TRPC7: variants seen among roughly 807,000 people sequenced by gnomAD.
TRPC7 encodes transient receptor potential cation channel subfamily C member 7, also known as short transient receptor potential channel 7.
A neutral mutation model predicts 90.1 loss-of-function variants in TRPC7; 42 were observed. The ratio of observed to expected loss-of-function variants is 0.47; its 90% CI spans 0.36 to 0.60. The LOEUF is 0.60. Ranked by LOEUF, TRPC7 falls within the 20% of genes least tolerant of loss-of-function variation. The pLI, the probability that TRPC7 is intolerant of heterozygous loss-of-function variation, is 0.00. For missense variants in TRPC7, 955 were observed against 1,112.3 expected, an observed-to-expected ratio of 0.86 and a Z score of 2.01; for synonymous variants, 451 against 436.3, an observed-to-expected ratio of 1.03 and a Z score of -0.42.
chr5:136,307,586 A>G (rs72795001), intron 3 of TRPC7, among the ~76,000 whole-genome samples: 2,701 of 152,334 alleles, frequency 0.018, 38 homozygotes, highest in Non-Finnish European at 0.028. Context: ...AACAGCCAAG[A>G]GGTTCTCAAC....
intron 2 of TRPC7, among the ~76,000 whole-genome samples, chr5:136,326,388 G>C (rs1332466879): frequency 2.0e-5 from 3 of 152,226 alleles, no homozygotes. Context: ...TCAGTATGTA[G>C]GTGAGGATGC....
intron 3 of TRPC7, among the ~76,000 whole-genome samples, chr5:136,295,278 T>G (rs1028481890): frequency 6.6e-6 from 1 of 152,078 alleles, no homozygotes; most frequent in African/African-American, 2.4e-5. Flanking sequence ...CCCTAAAACT[T>G]AAAGTATAAT....
intron 2 of TRPC7, among the ~76,000 whole-genome samples, chr5:136,323,027 C>A (rs1759243517): frequency 6.6e-6 from 1 of 152,178 alleles, no homozygotes. Flanking sequence ...CTCATCTTGA[C>A]TTGTAGCTCC....
intron 4 of TRPC7, among the ~76,000 whole-genome samples, chr5:136,273,105 G>A (rs17170006): frequency 0.023 from 3,573 of 152,232 alleles, 149 homozygotes; most frequent in African/African-American, 0.081. Context: ...GATTGGCAGC[G>A]CTTTCTCCAC....
At chr5:136,248,088 T>C (rs1756402414) in intron 6 of TRPC7, among the ~76,000 whole-genome samples, 1 of 152,204 alleles carries the variant, frequency 6.6e-6, no homozygotes. Flanking sequence ...ACACCCTCCA[T>C]GTCTTGGCAC....
rs76452898 is a variant in TRPC7 at position 136,309,652 on chromosome 5, T to G, written c.963+5945A>C. Among the ~76,000 whole-genome samples the G allele has an allele frequency of 3.8e-3, 579 of 152,158 alleles. 3 individuals are homozygous for G. The highest frequency in any genetic ancestry group is 7.0e-3 in the Non-Finnish European group (473 of 67,984). ...AGGTGAAAGCACACAATTGCTGGAG[T>G]GCAATTTCCCAAAGCCGAGTGACCC... On this transcript the variant is annotated intron_variant, in intron 3 of 11. Transcript: ENST00000513104.
At chr5:136,279,138 T>G (rs766746420) in intron 3 of TRPC7, among the ~76,000 whole-genome samples, 2 of 152,156 alleles carry the variant, frequency 1.3e-5, no homozygotes, top group Non-Finnish European at 2.9e-5. Context: ...TCTCTGTTCC[T>G]GTATGCCAAG....
chr5:136,253,030 G>A (rs1281252560), intron 5 of TRPC7, among the ~76,000 whole-genome samples: 3 of 152,210 alleles, frequency 2.0e-5, no homozygotes, highest in Non-Finnish European at 4.4e-5. Flanking sequence ...TCTAGTTTGA[G>A]ATGTGCTGTA....
intron 3 of TRPC7, among the ~76,000 whole-genome samples, chr5:136,285,239 T>C (rs1025383972): frequency 2.4e-4 from 36 of 152,148 alleles, no homozygotes; most frequent in Non-Finnish European, 3.7e-4. Context: ...AGACTTTTAG[T>C]TTAGAAATAT....
At chr5:136,216,017 G>C (rs1755254400) in intron 11 of TRPC7, among the ~76,000 whole-genome samples, 183 bp downstream of exon 11, 1 of 152,136 alleles carries the variant, frequency 6.6e-6, no homozygotes, top group African/African-American at 2.4e-5. Flanking sequence ...AGGCAACAGG[G>C]ACAGGCCTGC....
At chr5:136,309,891 C>T (rs1044750900) in intron 3 of TRPC7, among the ~76,000 whole-genome samples, 13 of 152,216 alleles carry the variant, frequency 8.5e-5, no homozygotes, top group Non-Finnish European at 1.5e-4. Context: ...CATCTTCACC[C>T]CTCCTGTTTC....
intron 3 of TRPC7, among the ~76,000 whole-genome samples, chr5:136,294,231 G>A (rs2149826608): frequency 6.6e-6 from 1 of 152,262 alleles, no homozygotes; most frequent in African/African-American, 2.4e-5. Flanking sequence ...ATAGGCATGG[G>A]CAAGGACTTC....
intron 2 of TRPC7, among the ~76,000 whole-genome samples, chr5:136,320,612 A>G (rs979564711): frequency 6.6e-6 from 1 of 151,708 alleles, no homozygotes; most frequent in Non-Finnish European, 1.5e-5. Flanking sequence ...CTGGAAGATG[A>G]CCCACTACCT....
chr5:136,289,705 C>T (rs1757865473), intron 3 of TRPC7, among the ~76,000 whole-genome samples: 1 of 152,216 alleles, frequency 6.6e-6, no homozygotes, highest in Non-Finnish European at 1.5e-5. Flanking sequence ...TCTGTAGGCT[C>T]CACCTCTAGG....
intron 2 of TRPC7, among the ~76,000 whole-genome samples, chr5:136,335,949 G>T (rs1355322501): frequency 7.5e-6 from 1 of 134,090 alleles, no homozygotes; most frequent in Non-Finnish European, 1.6e-5. Flanking sequence ...TAAAACTCAA[G>T]CATCTTTATT....
chr5:136,266,277 T>C lies in TRPC7; in HGVS notation c.1288A>G (p.Arg430Gly). Residue 430 changes from arginine to glycine, a missense_variant, in exon 5 of 12, where the codon AGA becomes GGA. By Grantham distance (125) the Arg-to-Gly change is moderately radical. Coordinates refer to ENST00000513104, the MANE Select transcript of TRPC7 (RefSeq NM_020389.3). ...CAGGAGAACTGTGTGGTTTTCACTCTGAAGATTTGTTTTGGGTAGTCTGTG... is the reference window on the plus strand; with the variant it reads ...CAGGAGAACTGTGTGGTTTTCACTCCGAAGATTTGTTTTGGGTAGTCTGTG... The part of the protein sequence containing the change: ...TFTDYPKQIF[R>G]VKTTQFSWTE... 3 of 1,613,974 alleles carry C rather than the reference T, an allele frequency of 1.9e-6. No individual in the cohort carries two copies. Among genetic ancestry groups the C allele is most frequent in the Non-Finnish European group, 2.5e-6 (3 of 1,179,838 alleles).
intron 2 of TRPC7, among the ~76,000 whole-genome samples, chr5:136,326,201 C>T (rs1248747520): frequency 6.6e-6 from 1 of 152,220 alleles, no homozygotes; most frequent in African/African-American, 2.4e-5. Context: ...GCTTTCACTG[C>T]TTCATTACCG....
In TRPC7 at chr5:136,296,570, C is replaced by T. The variant is rs72794997; in HGVS notation, c.963+19027G>A. 9.7e-3 allele frequency among the ~76,000 whole-genome samples: 1,481 copies of T among 152,178 alleles called. 13 individuals are homozygous for T. Among genetic ancestry groups the T allele is most frequent in the Middle Eastern group, 0.017 (5 of 294 alleles). ...TGGTACTTCAATCTCATGCTAGCAT[C>T]AACAAAATAATTATAGGAAACATAG... On this transcript the variant is annotated intron_variant, in intron 3 of 11. Transcript: ENST00000513104.
At chr5:136,317,969 A>T (rs1218179881) in intron 2 of TRPC7, among the ~76,000 whole-genome samples, 1 of 152,192 alleles carries the variant, frequency 6.6e-6, no homozygotes, top group Non-Finnish European at 1.5e-5. Context: ...TGCCATCAAT[A>T]GGAGAGGCAA....
Sources: gnomAD v4.1 joint callset for allele counts (sites outside exome capture counted in the v4.1 genomes callset) on GRCh38, gnomAD v4.1.1 for gene constraint, MANE v1.5 for transcripts, NCBI Gene and HGNC (gene_info 2026-07-23, HGNC 2026-07-21) for gene names.